Variants in TMC8 observed in about 807,000 individuals in gnomAD.
TMC8 encodes the protein transmembrane channel like 8, also known as transmembrane channel-like protein 8.
Under a neutral mutation model 76.0 loss-of-function variants are expected in TMC8, and 71 were observed. The ratio of observed to expected loss-of-function variants is 0.93; its 90% CI spans 0.77 to 1.14. The LOEUF (loss-of-function observed/expected upper bound fraction) is 1.14, where lower values mean the gene tolerates loss of function less well. Among genes scored for constraint, TMC8 ranks in the 50% most tolerant of loss-of-function variants. The pLI is 0.00. For synonymous variants in TMC8, 433 were observed against 433.8 expected (o/e 1.00, Z 0.02); for missense variants, 924 against 947.9 (o/e 0.97, Z 0.33).
In TMC8 at chr17:78,140,695, T is replaced by G. The variant is rs182436594; in HGVS notation, c.1903-139T>G. 3.0e-4 allele frequency: 360 copies of G among 1,187,590 alleles called. 2 individuals carry two copies. In the African/African-American group the frequency reaches 4.5e-3, roughly 15 times the overall value. 73.6% of individuals were successfully genotyped at this position (1,187,590 alleles called of 1,614,324 possible). A position where few individuals can be genotyped will look rare whatever the true frequency, so the allele number is the denominator to read the frequency against. On this transcript the variant is annotated intron_variant, in intron 15 of 15. Coordinates refer to ENST00000318430, the MANE Select transcript of TMC8 (RefSeq NM_152468.5). ...GGAGGGTGTGGCCTCGAGCGGGGCG[T>G]GGCCTCGGGCGGGGCGTGGCCTCTG...
rs1191517503 is a variant in TMC8 at position 78,131,922 on chromosome 17, C to T, written c.190C>T (p.Gln64Ter). 1 of 1,498,572 alleles carries T rather than the reference C, an allele frequency of 6.7e-7. No homozygotes were observed. The highest frequency in any genetic ancestry group is 8.8e-7 in the Non-Finnish European group (1 of 1,130,004). The allele number at this position is 1,498,572 out of a possible 1,614,324, so 92.8% of individuals were successfully genotyped here. The change falls in exon 3 of 16, where the codon CAG becomes TAG. Residue 64 changes from glutamine to a stop codon, truncating the protein, a stop_gained. Transcript: ENST00000318430. LOFTEE classifies it high-confidence loss of function. ...CGCGGGGGTGCAGACCTTGCGCTGG[C>T]AGCGGTGGCAGCGCCGGCGGCAGAC... The part of the protein sequence containing the change: ...EPAGVQTLRW[Q>*]RWQRRRQTVE...
chr17:78,140,726 T>C (rs2075355043), intron 15 of TMC8, 108 bp from the exon 16 acceptor site: 1 of 1,461,190 alleles, frequency 6.8e-7, no homozygotes, highest in East Asian at 2.5e-5. Context: ...CTCTGGCTAC[T>C]TTGGGTGCGG....
rs1465164391 is a variant in TMC8 at position 78,133,840 on chromosome 17, T to C, written c.669-13T>C. 9 of 1,612,852 alleles carry C rather than the reference T, an allele frequency of 5.6e-6. No homozygotes were observed. Among genetic ancestry groups the C allele is most frequent in the African/African-American group, 1.3e-5 (1 of 74,950 alleles). ...GCCCCTCCTCCAGCAGCCCCTGGTC[T>C]CCTGCCCCGCAGGATGGTGAAGGGG... On this transcript the variant is annotated splice_polypyrimidine_tract_variant and intron_variant, in intron 6 of 15. Coordinates refer to ENST00000318430, the MANE Select transcript of TMC8 (RefSeq NM_152468.5).
In TMC8 at chr17:78,141,123, TGCCTCCCCGAA is replaced by T. The variant is rs1190414199; in HGVS notation, c.*19_*29del. On this transcript the variant is annotated 3_prime_UTR_variant, in exon 16 of 16. Transcript: ENST00000318430. ...GGCGCGGAGCTGTAACCCCTACCCCTGCCTCCCCGAAGCCTCCCTGGGGCCCCTTCAGGCCT... is the reference window on the plus strand; with the variant it reads ...GGCGCGGAGCTGTAACCCCTACCCCTGCCTCCCTGGGGCCCCTTCAGGCCT... The T allele has an allele frequency of 1.3e-6, 2 of 1,537,596 alleles. No homozygotes were observed. Among genetic ancestry groups the T allele is most frequent in the Non-Finnish European group, 1.7e-6 (2 of 1,150,454 alleles).
intron 5 of TMC8, 87 bp downstream of exon 5, chr17:78,132,957 G>A (rs2075071263): frequency 6.9e-7 from 1 of 1,440,300 alleles, no homozygotes; most frequent in African/African-American, 1.4e-5. Context: ...GAGGACCTCT[G>A]CTCCTCCAGG....
intron 1 of TMC8, 49 bp from the exon 2 acceptor site, chr17:78,131,232 G>A: frequency 4.9e-6 from 2 of 407,430 alleles, no homozygotes; most frequent in African/African-American, 2.1e-5. Context: ...CTTTGCCTGT[G>A]CCGGTCCAGA....
intron 6 of TMC8, 50 bp downstream of exon 6, chr17:78,133,592 A>G: frequency 1.9e-6 from 3 of 1,603,126 alleles, no homozygotes; most frequent in Non-Finnish European, 2.5e-6. Flanking sequence ...ATCTTCCCTG[A>G]TCACCCCTTC....
At chr17:78,137,075 C>A in intron 9 of TMC8, 160 bp from the exon 10 acceptor site, 1 of 1,095,946 alleles carries the variant, frequency 9.1e-7, no homozygotes, top group Non-Finnish European at 1.3e-6. Flanking sequence ...ACTCTGAGAA[C>A]GCACTTTGGA....
chr17:78,136,200 C>T (rs899846740), intron 9 of TMC8, among the ~76,000 whole-genome samples: 1 of 152,206 alleles, frequency 6.6e-6, no homozygotes, highest in Admixed American at 6.5e-5. Context: ...CAGTGACTCA[C>T]GCCTGTAAAG....
rs766782170 is a variant in TMC8, at chr17:78,134,402, G to C, written c.825G>C (p.Leu275=). ...CCCACCCTTCCGGGCAGGTGGAGCTGGAGGAGGGCCGTCGCTTCCAGCTGA... is the reference window on the plus strand; with the variant it reads ...CCCACCCTTCCGGGCAGGTGGAGCTCGAGGAGGGCCGTCGCTTCCAGCTGA... ...HEISNEFKVE[L]EEGRRFQLMQ... Residue 275 remains leucine, a synonymous_variant, in exon 8 of 16, where the codon CTG becomes CTC. Transcript: ENST00000318430. 4 of 1,611,366 alleles carry C rather than the reference G, an allele frequency of 2.5e-6. No homozygotes were observed. The highest frequency in any genetic ancestry group is 3.4e-6 in the Non-Finnish European group (4 of 1,180,022).
At chr17:78,136,005 G>C (rs996689941) in intron 9 of TMC8, among the ~76,000 whole-genome samples, 1 of 152,194 alleles carries the variant, frequency 6.6e-6, no homozygotes, top group South Asian at 2.1e-4. Flanking sequence ...AGTGAGCAGA[G>C]ATTGCGCCAC....
chr17:78,131,103 G>A (rs1460792284), intron 1 of TMC8, 178 bp from the exon 2 acceptor site: 1 of 226,932 alleles, frequency 4.4e-6, no homozygotes, highest in Admixed American at 5.4e-5. Context: ...GTGGGGTTTG[G>A]GACACAGGCT....
chr17:78,132,267 C>A (rs972949015), intron 3 of TMC8, 92 bp from the exon 4 acceptor site: 5 of 1,511,844 alleles, frequency 3.3e-6, no homozygotes, highest in East Asian at 2.4e-5. Flanking sequence ...TGGCGGGCAC[C>A]CCACGCCGTC....
Position 78,134,268 on chromosome 17 carries a change from T to C in TMC8, c.817-126T>C, listed in dbSNP as rs1213905381. ...CTGAGTGTCTATGGGAGCATGACAG[T>C]GTGAGAGTTTGTGACTGTGTATGTG... On this transcript the variant is annotated intron_variant, in intron 7 of 15. Coordinates refer to ENST00000318430, the MANE Select transcript of TMC8 (RefSeq NM_152468.5). 37 of 1,190,680 alleles carry C rather than the reference T, an allele frequency of 3.1e-5. No individual in the cohort carries two copies. The East Asian group carries it at 8.3e-4, about 27-fold the overall frequency. 73.8% of individuals were successfully genotyped at this position (1,190,680 alleles called of 1,614,324 possible).
Position 78,141,086 on chromosome 17 carries a change from C to T in TMC8, c.2155C>T (p.Arg719Cys), listed in dbSNP as rs2075364738. 5 of 1,583,278 alleles carry T rather than the reference C, an allele frequency of 3.2e-6. No individual in the cohort carries two copies. Among genetic ancestry groups the T allele is most frequent in the East Asian group, 2.3e-5 (1 of 44,420 alleles). Residue 719 changes from arginine to cysteine, a missense_variant, in exon 16 of 16, where the codon CGC (arginine) becomes TGC (cysteine). Transcript: ENST00000318430. Reference protein sequence around the residue: ...HGAPASARRFRFPSGAEL With the variant: ...HGAPASARRFCFPSGAEL ...TGCCCCGGCCTCCGCCCGCAGATTC[C>T]GCTTCCCCAGCGGCGCGGAGCTGTA...
In TMC8 at chr17:78,133,462, C is replaced by A; in HGVS notation, c.588C>A (p.Ser196Arg). 1 of 1,613,754 alleles carries A rather than the reference C, an allele frequency of 6.2e-7. No individual in the cohort carries two copies. The change falls in exon 6 of 16, where the codon AGC (serine) becomes AGA (arginine). Residue 196 changes from serine (S) to arginine (R), a missense_variant. Coordinates refer to ENST00000318430, the MANE Select transcript of TMC8 (RefSeq NM_152468.5). ...CGTACCGAGTGGGGCCGGAGAGCAG[C>A]TCCGTGTACAGCATCCGCCTGGCCT... ...YGAYRVGPES[S>R]SVYSIRLAYL...
chr17:78,132,725 A>G, intron 4 of TMC8, 63 bp from the exon 5 acceptor site: 1 of 1,570,792 alleles, frequency 6.4e-7, no homozygotes, highest in Non-Finnish European at 8.8e-7. Context: ...ATAGAGCAGT[A>G]GCCGCAGAGC....
At chr17:78,135,381 G>A (rs138858461) in intron 9 of TMC8, among the ~76,000 whole-genome samples, 10 of 152,274 alleles carry the variant, frequency 6.6e-5, no homozygotes, top group East Asian at 5.8e-4. Flanking sequence ...CACGTGACCC[G>A]TGAAGTCCAG....
At chr17:78,137,176 G>C in intron 9 of TMC8, 59 bp from the exon 10 acceptor site, 1 of 1,607,486 alleles carries the variant, frequency 6.2e-7, no homozygotes, top group Non-Finnish European at 8.5e-7. Context: ...CTATAGCCTG[G>C]GTAGAGCCCG....
Sources: gnomAD v4.1 joint callset for allele counts (sites outside exome capture counted in the v4.1 genomes callset) on GRCh38, gnomAD v4.1.1 for gene constraint, MANE v1.5 for transcripts, NCBI Gene and HGNC (gene_info 2026-07-23, HGNC 2026-07-21) for gene names.